The following SHPK variants were observed in gnomAD, a reference collection of about 807,000 sequenced individuals.
SHPK encodes the protein sedoheptulokinase.
A neutral mutation model predicts 46.3 loss-of-function variants in SHPK; 51 were observed. That is an observed-to-expected ratio of 1.10 (90% CI 0.88 to 1.39). The LOEUF is 1.39. Ranked by LOEUF, SHPK falls within the 40% of genes most tolerant of loss-of-function variation. The pLI is 0.00. For synonymous variants in SHPK, 290 were observed against 273.9 expected (o/e 1.06, Z -0.58); for missense variants, 668 against 641.3 (o/e 1.04, Z -0.45).
intron 1 of SHPK, among the ~76,000 whole-genome samples, chr17:3,633,729 G>A (rs1460171374): frequency 6.6e-6 from 1 of 152,098 alleles, no homozygotes; most frequent in Non-Finnish European, 1.5e-5. Context: ...GGGAAGTGAG[G>A]AGCCCCTCTG....
chr17:3,628,856 C>T (rs1244930337), intron 2 of SHPK, among the ~76,000 whole-genome samples: 2 of 152,060 alleles, frequency 1.3e-5, no homozygotes, highest in African/African-American at 2.4e-5. Context: ...ACTATGTTGC[C>T]CAGGCTAGTC....
intron 1 of SHPK, among the ~76,000 whole-genome samples, chr17:3,631,545 T>C (rs9902834): frequency 9.4e-6 from 1 of 106,720 alleles, no homozygotes; most frequent in Admixed American, 1.4e-4. Context: ...TTTTTAGCGA[T>C]AGAGTCTCTC....
At chr17:3,630,825 C>T (rs912651459) in intron 1 of SHPK, among the ~76,000 whole-genome samples, 2 of 152,118 alleles carry the variant, frequency 1.3e-5, no homozygotes, top group South Asian at 2.1e-4. Context: ...GATCACGCCA[C>T]GGCACTCCAG....
At chr17:3,620,251 A>T (rs1226724242) in intron 5 of SHPK, among the ~76,000 whole-genome samples, 6 of 152,024 alleles carry the variant, frequency 3.9e-5, no homozygotes, top group Non-Finnish European at 5.9e-5. Context: ...GAATACAGAA[A>T]ATATTCTACA....
chr17:3,627,907 A>G (rs1372867455), intron 2 of SHPK, among the ~76,000 whole-genome samples: 1 of 151,914 alleles, frequency 6.6e-6, no homozygotes, highest in Non-Finnish European at 1.5e-5. Context: ...TTGACACCCT[A>G]ATCGCCTTCT....
At chr17:3,628,864 G>C (rs1473873682) in intron 2 of SHPK, among the ~76,000 whole-genome samples, 2 of 152,130 alleles carry the variant, frequency 1.3e-5, no homozygotes, top group Non-Finnish European at 2.9e-5. Context: ...GCCCAGGCTA[G>C]TCTTGAACTC....
intron 1 of SHPK, among the ~76,000 whole-genome samples, chr17:3,631,465 G>A (rs566820592): frequency 6.3e-5 from 9 of 143,972 alleles, no homozygotes; most frequent in South Asian, 2.3e-4. Context: ...AACATGCACC[G>A]GACTACAATT....
At chr17:3,615,633 A>G in intron 5 of SHPK, 96 bp from the exon 6 acceptor site, 1 of 983,640 alleles carries the variant, frequency 1.0e-6, no homozygotes, top group South Asian at 1.5e-5. Context: ...TGTCGGGTTA[A>G]CTCAGAGGTC....
intron 4 of SHPK, chr17:3,622,779 A>G (rs2075410767): frequency 6.3e-6 from 1 of 158,264 alleles, no homozygotes; most frequent in Non-Finnish European, 1.3e-5. Flanking sequence ...ATCTCGGCTC[A>G]CCGCAACCTC....
chr17:3,622,659 AG>A, intron 4 of SHPK: 2 of 845,838 alleles, frequency 2.4e-6, no homozygotes, highest in Non-Finnish European at 2.8e-6. Flanking sequence ...TTGTTCAAAA[AG>A]AACTTAAAAG....
At chr17:3,615,770 C>T (rs554726511) in intron 5 of SHPK, among the ~76,000 whole-genome samples, 3 of 151,538 alleles carry the variant, frequency 2.0e-5, no homozygotes, top group East Asian at 3.9e-4. Flanking sequence ...CACAATTTGG[C>T]ACTGAGAGAG....
At chr17:3,624,015 C>T in intron 3 of SHPK, 33 bp downstream of exon 3, 1 of 1,574,538 alleles carries the variant, frequency 6.4e-7, no homozygotes, top group Non-Finnish European at 8.7e-7. Context: ...TCCCGGAAAC[C>T]CAGCACCCGA....
rs1597573574 is a variant in SHPK at position 3,623,367 on chromosome 17, T to A, written c.619A>T (p.Thr207Ser). The A allele has an allele frequency of 1.2e-6, 2 of 1,614,020 alleles. No homozygotes were observed. The highest frequency in any genetic ancestry group is 2.2e-5 in the East Asian group (1 of 44,890). ...QNAASWGYFN[T>S]QSQSWNVETL... ...TCTACGTTCCAGCTTTGGCTCTGCG[T>A]GTTGAAATAGCCCCAGCTGGCAGCA... is the stretch of plus-strand genomic sequence containing the variant. Residue 207 changes from threonine (T) to serine (S), a missense_variant, in exon 4 of 7, where the codon ACG becomes TCG. Thr to Ser is a moderately conservative substitution (Grantham distance 58, BLOSUM62 1). Transcript: ENST00000225519.
chr17:3,633,270 C>T (rs879466968), intron 1 of SHPK, among the ~76,000 whole-genome samples: 17 of 151,706 alleles, frequency 1.1e-4, no homozygotes, highest in Non-Finnish European at 1.6e-4. Context: ...CAAGAGCCAC[C>T]GCGCCCGGCC....
intron 5 of SHPK, among the ~76,000 whole-genome samples, chr17:3,617,188 A>G (rs1026827313): frequency 5.9e-5 from 9 of 152,152 alleles, no homozygotes; most frequent in African/African-American, 2.2e-4. Flanking sequence ...TTCTTTAATC[A>G]GATCTGGTGT....
At position 3,623,365 on chromosome 17, in the gene SHPK, C is replaced by T. The variant is rs202169435; in HGVS notation, c.621G>A (p.Thr207=). 16 of 1,614,186 alleles carry T rather than the reference C, an allele frequency of 9.9e-6. No individual in the cohort carries two copies. The highest frequency in any genetic ancestry group is 2.2e-5 in the East Asian group (1 of 44,874). ...TCTCTACGTTCCAGCTTTGGCTCTGCGTGTTGAAATAGCCCCAGCTGGCAG... is the reference window on the plus strand; with the variant it reads ...TCTCTACGTTCCAGCTTTGGCTCTGTGTGTTGAAATAGCCCCAGCTGGCAG... ...QNAASWGYFN[T]QSQSWNVETL... Residue 207 remains threonine (T), a synonymous_variant, in exon 4 of 7, where the codon ACG becomes ACA. Transcript: ENST00000225519.
intron 5 of SHPK, among the ~76,000 whole-genome samples, chr17:3,616,624 A>C (rs918919535): frequency 2.6e-5 from 4 of 152,184 alleles, no homozygotes; most frequent in Non-Finnish European, 5.9e-5. Flanking sequence ...GCAAAAGAAA[A>C]CTATGACAGG....
intron 5 of SHPK, among the ~76,000 whole-genome samples, chr17:3,616,193 C>T (rs1248523426): frequency 2.6e-5 from 4 of 152,100 alleles, no homozygotes; most frequent in Non-Finnish European, 4.4e-5. Context: ...TTCCCCTCCA[C>T]GTGAGAGTGG....
chr17:3,615,368 GACGA>G lies in SHPK; in HGVS notation c.989_992del (p.Phe330SerfsTer11). 2.5e-6 allele frequency: 4 copies of G among 1,614,202 alleles called. No individual in the cohort carries two copies. Among genetic ancestry groups the G allele is most frequent in the Non-Finnish European group, 3.4e-6 (4 of 1,180,022 alleles). The stretch of plus-strand genomic sequence containing the variant: ...CTGCCATCCACTGAACCAGCATGTG[GACGA>G]ACGTGGCCAGCACATTGCCCCCGTT... On this transcript the variant is annotated frameshift_variant, in exon 6 of 7. Coordinates refer to ENST00000225519, the MANE Select transcript of SHPK (RefSeq NM_013276.4). LOFTEE classifies it high-confidence loss of function.
Sources: gnomAD v4.1 joint callset for allele counts (sites outside exome capture counted in the v4.1 genomes callset) on GRCh38, gnomAD v4.1.1 for gene constraint, MANE v1.5 for transcripts, NCBI Gene and HGNC (gene_info 2026-07-23, HGNC 2026-07-21) for gene names.